Variants in ZNF346 observed in about 807,000 individuals in gnomAD.
The protein encoded by ZNF346 is double-stranded RNA-binding zinc finger protein JAZ.
A neutral mutation model predicts 33.7 loss-of-function variants in ZNF346; 23 were observed. The observed-to-expected ratio is 0.68, with a 90% CI of 0.49 to 0.97. The LOEUF (loss-of-function observed/expected upper bound fraction) is 0.97. ZNF346 is among the 50% of genes least tolerant of loss of function. ZNF346 has a pLI of 0.00. For synonymous variants in ZNF346, 134 were observed against 142.4 expected (o/e 0.94, Z 0.42); for missense variants, 340 against 371.1 (o/e 0.92, Z 0.69).
intron 3 of ZNF346, among the ~76,000 whole-genome samples, chr5:177,042,914 C>T (rs916009293): frequency 6.6e-6 from 1 of 152,054 alleles, no homozygotes; most frequent in Admixed American, 6.5e-5. Flanking sequence ...TGCAGTGGCA[C>T]GATCTCAGCT....
chr5:177,073,518 G>A (rs1325605798), intron 8 of ZNF346, among the ~76,000 whole-genome samples: 1 of 152,014 alleles, frequency 6.6e-6, no homozygotes, highest in Non-Finnish European at 1.5e-5. Flanking sequence ...TGCCCAGGCT[G>A]GTCTTGAACT....
At chr5:177,070,805 T>A (rs1173143268), downstream of ZNF346, among the ~76,000 whole-genome samples, 1 of 151,708 alleles carries the variant, frequency 6.6e-6, no homozygotes, top group Non-Finnish European at 1.5e-5. Context: ...AGTAGCATAG[T>A]GGCTAGAAGT....
At chr5:177,048,321 A>G (rs1780378010) in intron 4 of ZNF346, among the ~76,000 whole-genome samples, 1 of 152,162 alleles carries the variant, frequency 6.6e-6, no homozygotes, top group African/African-American at 2.4e-5. Context: ...ATCTACATTC[A>G]TTACAGAAAA....
intron 5 of ZNF346, among the ~76,000 whole-genome samples, chr5:177,053,753 A>G (rs1781285913): frequency 6.6e-6 from 1 of 152,202 alleles, no homozygotes; most frequent in Non-Finnish European, 1.5e-5. Flanking sequence ...AAACATTTCA[A>G]AATGTATGTA....
At chr5:177,057,652 C>T (rs952875401) in intron 5 of ZNF346, among the ~76,000 whole-genome samples, 9 of 151,180 alleles carry the variant, frequency 6.0e-5, no homozygotes, top group South Asian at 2.1e-4. Flanking sequence ...GCAGGAGAAT[C>T]GCTTGAGCCT....
chr5:177,076,990 G>A (rs763784728), intron 8 of ZNF346, among the ~76,000 whole-genome samples: 78 of 152,270 alleles, frequency 5.1e-4, no homozygotes, highest in South Asian at 1.0e-3. Context: ...GCAGTGAGCC[G>A]AGATCACGCC....
intron 1 of ZNF346, among the ~76,000 whole-genome samples, chr5:177,030,906 ATTTTT>A (rs760757696): frequency 9.7e-6 from 1 of 103,530 alleles, no homozygotes; most frequent in Admixed American, 9.6e-5. Context: ...GCTTAGTGTA[ATTTTT>A]TTTTTTTTTT....
At chr5:177,041,704 C>G (rs922191963) in intron 2 of ZNF346, 74 bp from the exon 3 acceptor site, 145 of 950,844 alleles carry the variant, frequency 1.5e-4, no homozygotes, top group Non-Finnish European at 2.2e-4. Context: ...ATGAAAATCT[C>G]ATAAGTGTTT....
intron 5 of ZNF346, among the ~76,000 whole-genome samples, chr5:177,051,455 G>A (rs1211473973): frequency 6.6e-6 from 1 of 151,800 alleles, no homozygotes; most frequent in African/African-American, 2.4e-5. Flanking sequence ...AATTACAGGC[G>A]TGAGCCACCG....
chr5:177,044,385 C>T lies in ZNF346; in HGVS notation c.373-4C>T, dbSNP rs1263522899. 3 of 1,613,970 alleles carry T rather than the reference C, an allele frequency of 1.9e-6. No homozygotes were observed. Among genetic ancestry groups the T allele is most frequent in the Non-Finnish European group, 2.5e-6 (3 of 1,179,994 alleles). ...ATCAGACCTGTGTTCTTTCTTCCAA[C>T]CAGAAGAGCAGCAGAAGCAAAGACA... is the stretch of plus-strand genomic sequence containing the variant. On this transcript the variant is annotated splice_region_variant and splice_polypyrimidine_tract_variant and intron_variant, in intron 3 of 6. Coordinates refer to ENST00000358149, the MANE Select transcript of ZNF346 (RefSeq NM_012279.4).
chr5:177,052,160 A>G (rs1404090115), intron 5 of ZNF346, among the ~76,000 whole-genome samples: 2 of 149,982 alleles, frequency 1.3e-5, no homozygotes, highest in African/African-American at 2.5e-5. Flanking sequence ...GAGAACATGT[A>G]TCAAAAAAAC....
Position 177,067,973 on chromosome 5 carries a change from T to C in ZNF346, c.*3374T>C, listed in dbSNP as rs1287517357. 1.3e-5 allele frequency among the ~76,000 whole-genome samples: 2 copies of C among 151,954 alleles called. No homozygotes were observed. The highest frequency in any genetic ancestry group is 2.9e-5 in the Non-Finnish European group (2 of 67,990). ...TAAAAAATAAAATAAATAAAAACCA[T>C]GGAGAGAAGGAACAAGGCTGAAAAA... is the stretch of plus-strand genomic sequence containing the variant. On this transcript the variant is annotated 3_prime_UTR_variant, in exon 7 of 7. Transcript: ENST00000358149.
chr5:177,050,908 G>C lies in ZNF346; in HGVS notation c.675G>C (p.Leu225=), dbSNP rs1037106134. ...AACTAATGGCACGCTATGGGCGGCT[G>C]GCGGACCCTGCTGTCACTGACTTTC... is the stretch of plus-strand genomic sequence containing the variant. ...KLKLMARYGR[L]ADPAVTDFPA... Residue 225 remains leucine, a synonymous_variant, in exon 5 of 7, where the codon CTG becomes CTC. Transcript: ENST00000358149. 6.2e-7 allele frequency: 1 copy of C among 1,614,066 alleles called. No homozygotes were observed. The highest frequency in any genetic ancestry group is 8.5e-7 in the Non-Finnish European group (1 of 1,180,044).
intron 1 of ZNF346, among the ~76,000 whole-genome samples, chr5:177,039,260 G>A (rs1779021984): frequency 6.6e-6 from 1 of 152,024 alleles, no homozygotes; most frequent in Admixed American, 6.6e-5. Context: ...GTTTTTCAGA[G>A]CATAGCTAAG....
chr5:177,032,622 C>T (rs1777890198), intron 1 of ZNF346, among the ~76,000 whole-genome samples: 1 of 151,954 alleles, frequency 6.6e-6, no homozygotes, highest in Non-Finnish European at 1.5e-5. Flanking sequence ...CGTTGGCCAG[C>T]CTGGTCTCAA....
chr5:177,030,023 G>A (rs1205142702), intron 1 of ZNF346, among the ~76,000 whole-genome samples: 2 of 152,172 alleles, frequency 1.3e-5, no homozygotes, highest in African/African-American at 4.8e-5. Context: ...TGGTTTCTGG[G>A]AGGAGAAAAC....
chr5:177,033,554 C>T (rs1778030511), intron 1 of ZNF346, among the ~76,000 whole-genome samples: 1 of 152,098 alleles, frequency 6.6e-6, no homozygotes, highest in African/African-American at 2.4e-5. Flanking sequence ...GATGGAGTCT[C>T]ACTCTGTAGC....
Position 177,061,926 on chromosome 5 carries a change from CTCA to C in ZNF346, c.704-128_704-126del, listed in dbSNP as rs981509439. Reference sequence around the variant, plus strand: ...TCCTTAGCACTGTGGCCTCTGGGTTCTCATCAGGGCCAGCAACCTCACCTCGCC... The same window carrying C: ...TCCTTAGCACTGTGGCCTCTGGGTTCTCAGGGCCAGCAACCTCACCTCGCC... On this transcript the variant is annotated intron_variant, in intron 5 of 6. Transcript: ENST00000358149. 4.2e-6 allele frequency: 3 copies of C among 714,488 alleles called. No individual in the cohort carries two copies. The African/African-American group carries it at 5.3e-5, about 13-fold the overall frequency. The allele number at this position is 714,488 out of a possible 1,614,324, so 44.3% of individuals were successfully genotyped here. A position where few individuals can be genotyped will look rare whatever the true frequency, so the allele number is the denominator to read the frequency against.
chr5:177,062,570 T>C (rs1782681375), intron 6 of ZNF346, among the ~76,000 whole-genome samples: 1 of 151,260 alleles, frequency 6.6e-6, no homozygotes, highest in Admixed American at 6.6e-5. Flanking sequence ...ATCTTCTGAA[T>C]GATGGCCAAG....
Sources: allele counts gnomAD v4.1 joint callset (sites outside exome capture counted in the v4.1 genomes callset), GRCh38; gene constraint gnomAD v4.1.1; transcripts MANE v1.5; gene names NCBI Gene and HGNC (gene_info 2026-07-23, HGNC 2026-07-21).